The following TPO variants were observed in gnomAD, a reference collection of about 807,000 sequenced individuals.
The protein encoded by TPO is thyroid microsomal antigen.
TPO carries 78 observed loss-of-function variants against 96.9 expected under a neutral mutation model. The ratio of observed to expected loss-of-function variants is 0.81; its 90% confidence interval spans 0.67 to 0.97. The LOEUF (loss-of-function observed/expected upper bound fraction) is 0.97, where lower values mean the gene tolerates loss of function less well. Among genes scored for constraint, TPO ranks in the 50% least tolerant of loss-of-function variants. The probability of loss-of-function intolerance (pLI) is 0.00; values close to 1 mark genes in which losing one functional copy is unlikely to be tolerated. For synonymous variants in TPO, 547 were observed against 538.0 expected (o/e 1.02, Z -0.23); for missense variants, 1,252 against 1,274.8 (o/e 0.98, Z 0.27).
intron 2 of TPO, 62 bp from the exon 3 acceptor site, chr2:1,422,983 A>G: frequency 6.4e-7 from 1 of 1,568,678 alleles, no homozygotes; most frequent in Middle Eastern, 1.7e-4. Flanking sequence ...GAACAAAGCA[A>G]CACTGTCAGT....
chr2:1,385,394 A>G (rs1573053064), intron 1 of TPO, among the ~76,000 whole-genome samples: 1 of 152,108 alleles, frequency 6.6e-6, no homozygotes, highest in Non-Finnish European at 1.5e-5. Flanking sequence ...AGAGCCTGTT[A>G]TTGGTCTATT....
At chr2:1,514,770 A>T (rs1674511359) in intron 14 of TPO, among the ~76,000 whole-genome samples, 1 of 152,232 alleles carries the variant, frequency 6.6e-6, no homozygotes, top group African/African-American at 2.4e-5. Flanking sequence ...ATGCCAAGAA[A>T]CAAAAATTTG....
intron 15 of TPO, among the ~76,000 whole-genome samples, chr2:1,525,249 C>A (rs1573549053): frequency 7.0e-6 from 1 of 143,870 alleles, no homozygotes; most frequent in African/African-American, 2.6e-5. Flanking sequence ...TCCCCAAATC[C>A]CTCACACTGG....
In TPO at chr2:1,477,575, G is replaced by A. The variant is rs758227035; in HGVS notation, c.1309G>A (p.Ala437Thr). Reference protein sequence around the residue: ...HWSADAVYQEARKVVGALHQI... With the variant: ...HWSADAVYQETRKVVGALHQI... ...GAGCGCGGACGCCGTGTACCAGGAG[G>A]CGCGCAAGGTCGTGGGCGCTCTGCA... Residue 437 changes from alanine (A) to threonine (T), a missense_variant, in exon 8 of 17, where the codon GCG (alanine) becomes ACG (threonine). Physicochemically the swap from Ala to Thr is moderately conservative, Grantham distance 58 (BLOSUM62 0). Coordinates refer to ENST00000329066, the MANE Select transcript of TPO (RefSeq NM_001206744.2). The A allele has an allele frequency of 1.8e-5, 27 of 1,537,572 alleles. No individual in the cohort carries two copies. The highest frequency in any genetic ancestry group is 1.3e-5 in the Non-Finnish European group (15 of 1,147,868).
intron 7 of TPO, among the ~76,000 whole-genome samples, chr2:1,469,893 G>A (rs764736303): frequency 2.0e-5 from 3 of 152,066 alleles, no homozygotes; most frequent in Non-Finnish European, 4.4e-5. Context: ...ATGTATTCCT[G>A]CCGTCGTTCT....
chr2:1,441,269 T>C (rs1459445881), intron 5 of TPO, among the ~76,000 whole-genome samples: 1 of 152,198 alleles, frequency 6.6e-6, no homozygotes, highest in African/African-American at 2.4e-5. Flanking sequence ...CTCCTTCTTG[T>C]TGGTACGGTG....
chr2:1,480,917 T>C (rs111374679), intron 8 of TPO, among the ~76,000 whole-genome samples: 2,165 of 150,962 alleles, frequency 0.014, 59 homozygotes, highest in African/African-American at 0.05. Flanking sequence ...CTCCTCTAAT[T>C]TCTTTTGTCG....
At chr2:1,427,198 G>A (rs1301656988) in intron 3 of TPO, among the ~76,000 whole-genome samples, 2 of 152,240 alleles carry the variant, frequency 1.3e-5, no homozygotes, top group African/African-American at 2.4e-5. Context: ...CACATCTGGG[G>A]AGGGGGGCCC....
chr2:1,416,224 G>C (rs564598769), intron 2 of TPO, among the ~76,000 whole-genome samples: 310 of 152,330 alleles, frequency 2.0e-3, no homozygotes, highest in African/African-American at 7.0e-3. Context: ...AGGAAAAAGT[G>C]ATTTTGCATC....
chr2:1,481,045 G>A (rs988234640), intron 8 of TPO, among the ~76,000 whole-genome samples: 80 of 152,082 alleles, frequency 5.3e-4, no homozygotes, highest in African/African-American at 1.9e-3. Flanking sequence ...GGCATCTCTC[G>A]GGGGACTCGC....
chr2:1,494,077 C>A, intron 11 of TPO, 38 bp downstream of exon 11: 1 of 1,596,802 alleles, frequency 6.3e-7, no homozygotes, highest in Non-Finnish European at 8.6e-7. Flanking sequence ...TCACGTTCTG[C>A]ACAGAGGCAG....
intron 7 of TPO, among the ~76,000 whole-genome samples, chr2:1,462,141 C>T (rs977922193): frequency 3.3e-5 from 5 of 152,174 alleles, no homozygotes; most frequent in Admixed American, 3.3e-4. Context: ...CTGGGGTTGA[C>T]AGCACTTCCC....
At chr2:1,526,435 T>G (rs1229481293) in intron 15 of TPO, among the ~76,000 whole-genome samples, 1 of 85,202 alleles carries the variant, frequency 1.2e-5, no homozygotes, top group Non-Finnish European at 2.1e-5. Context: ...AAACCTCAAA[T>G]CCCCCAACTG....
intron 4 of TPO, 55 bp downstream of exon 4, chr2:1,433,662 T>C (rs1665259462): frequency 1.3e-6 from 2 of 1,584,190 alleles, no homozygotes; most frequent in East Asian, 4.6e-5. Flanking sequence ...GGAGGACACC[T>C]TGACTTTGTG....
intron 1 of TPO, among the ~76,000 whole-genome samples, chr2:1,393,331 C>T (rs1025171678): frequency 1.6e-4 from 24 of 152,236 alleles, no homozygotes; most frequent in African/African-American, 5.8e-4. Context: ...ACCCAGTCAC[C>T]TCCCACCAGG....
intron 7 of TPO, among the ~76,000 whole-genome samples, chr2:1,469,368 G>A (rs943754819): frequency 1.3e-5 from 2 of 152,206 alleles, no homozygotes; most frequent in East Asian, 3.9e-4. Flanking sequence ...GCTCTAGCCT[G>A]TTGTTCAGAT....
intron 15 of TPO, among the ~76,000 whole-genome samples, chr2:1,527,814 CTCCT>C: frequency 6.8e-6 from 1 of 147,070 alleles, no homozygotes; most frequent in African/African-American, 2.5e-5. Context: ...TGTATGCAAC[CTCCT>C]CAAATCCCCA....
chr2:1,540,713 A>G lies in TPO; in HGVS notation c.2738A>G (p.Asp913Gly). ...GTSPQRAAAQ[D>G]SEQESAGMEG... ...TCACCGCAGCGGGCCGCAGCTCAGG[A>G]CTCGGAGCAGGTGGGCCACACCATG... Residue 913 changes from aspartate to glycine, a missense_variant, in exon 16 of 17, where the codon GAC becomes GGC. Asp to Gly is a moderately conservative substitution (Grantham distance 94, BLOSUM62 -1). Transcript: ENST00000329066. The G allele has an allele frequency of 6.2e-7, 1 of 1,613,166 alleles. No individual in the cohort carries two copies. The highest frequency in any genetic ancestry group is 8.5e-7 in the Non-Finnish European group (1 of 1,180,016).
chr2:1,527,859 A>AATGTGTGCAAC (rs1676974886), intron 15 of TPO, among the ~76,000 whole-genome samples: 1 of 8,058 alleles, frequency 1.2e-4, no homozygotes, highest in Non-Finnish European at 2.4e-4. Flanking sequence ...AATCCCCCCC[A>AATGTGTGCAAC]CTGTGTTCAA....
Sources: allele counts gnomAD v4.1 joint callset (sites outside exome capture counted in the v4.1 genomes callset), GRCh38; gene constraint gnomAD v4.1.1; transcripts MANE v1.5; gene names NCBI Gene and HGNC (gene_info 2026-07-23, HGNC 2026-07-21).